The following ABCC9 variants were observed in gnomAD, a reference collection of about 807,000 sequenced individuals.
ABCC9 encodes ATP-binding cassette sub-family C member 9.
In ABCC9, 95 loss-of-function variants were observed where a neutral mutation model predicts 188.3. The observed-to-expected ratio is 0.50, with a 90% CI of 0.43 to 0.60. ABCC9 has a LOEUF of 0.60. ABCC9 is among the 20% of genes least tolerant of loss of function. The pLI, the probability that ABCC9 is intolerant of heterozygous loss-of-function variation, is 0.00. For synonymous variants in ABCC9, 659 were observed against 652.7 expected (o/e 1.01, Z -0.15); for missense variants, 1,102 against 1,876.3 (o/e 0.59, Z 7.62).
chr12:21,878,021 A>C (rs1474643361), intron 16 of ABCC9, among the ~76,000 whole-genome samples: 2 of 146,508 alleles, frequency 1.4e-5, no homozygotes, highest in East Asian at 4.0e-4. Flanking sequence ...TAAAAAAAAA[A>C]CAATGACCGT....
intron 15 of ABCC9, among the ~76,000 whole-genome samples, chr12:21,884,968 C>A (rs1487283681): frequency 6.6e-6 from 1 of 152,156 alleles, no homozygotes; most frequent in Non-Finnish European, 1.5e-5. Flanking sequence ...CTTCTAGAGT[C>A]TTTAATTCTG....
chr12:21,932,786 T>C (rs960890623), intron 4 of ABCC9, among the ~76,000 whole-genome samples: 3 of 152,030 alleles, frequency 2.0e-5, no homozygotes, highest in African/African-American at 7.2e-5. Flanking sequence ...CACCATTTGT[T>C]GGAGTGTAAA....
At chr12:21,852,653 G>A in intron 22 of ABCC9, 148 bp from the exon 23 acceptor site, 1 of 930,004 alleles carries the variant, frequency 1.1e-6, no homozygotes, top group South Asian at 1.6e-5. Flanking sequence ...AAAACTACCT[G>A]TCAGGTACCA....
chr12:21,870,296 G>A (rs1008512210), intron 18 of ABCC9, among the ~76,000 whole-genome samples: 4 of 151,114 alleles, frequency 2.6e-5, no homozygotes, highest in Admixed American at 6.6e-5. Context: ...TCACTCTGTC[G>A]CCCAGGCTGG....
At chr12:21,837,074 T>G (rs902653247) in intron 30 of ABCC9, among the ~76,000 whole-genome samples, 1 of 152,196 alleles carries the variant, frequency 6.6e-6, no homozygotes, top group African/African-American at 2.4e-5. Context: ...TGAAAGGACT[T>G]ATTTGGTGAA....
chr12:21,818,007 C>T, intron 32 of ABCC9, 143 bp downstream of exon 32: 2 of 591,946 alleles, frequency 3.4e-6, no homozygotes, highest in South Asian at 3.1e-5. Context: ...AGTTCCCTCC[C>T]CTCACCCCCA....
At chr12:21,876,942 C>G (rs1288367578) in intron 16 of ABCC9, among the ~76,000 whole-genome samples, 1 of 152,156 alleles carries the variant, frequency 6.6e-6, no homozygotes, top group Non-Finnish European at 1.5e-5. Context: ...TTTGTCCATG[C>G]AGGTTTTCTG....
At chr12:21,808,408 A>C (rs147977126) in intron 37 of ABCC9, among the ~76,000 whole-genome samples, 71 of 152,210 alleles carry the variant, frequency 4.7e-4, no homozygotes, top group Non-Finnish European at 9.0e-4. Flanking sequence ...CCTGTGCTGT[A>C]CCATAACCCC....
chr12:21,864,220 T>C (rs1490442818), intron 19 of ABCC9, among the ~76,000 whole-genome samples: 2 of 152,118 alleles, frequency 1.3e-5, no homozygotes, highest in African/African-American at 2.4e-5. Flanking sequence ...CACGTGTGAC[T>C]CAGTGAGAGG....
At chr12:21,822,802 A>C (rs999841883) in intron 31 of ABCC9, among the ~76,000 whole-genome samples, 6 of 151,988 alleles carry the variant, frequency 3.9e-5, no homozygotes, top group Admixed American at 6.6e-5. Flanking sequence ...AAAAAAAAAA[A>C]AAAAAAAGCT....
chr12:21,885,801 A>G (rs1447850325), intron 15 of ABCC9, among the ~76,000 whole-genome samples: 1 of 152,178 alleles, frequency 6.6e-6, no homozygotes, highest in Non-Finnish European at 1.5e-5. Flanking sequence ...AAACAAAAAC[A>G]AACACCTCCA....
chr12:21,848,236 G>A lies in ABCC9; in HGVS notation c.2780C>T (p.Ala927Val). 6.2e-7 allele frequency: 1 copy of A among 1,613,286 alleles called. No homozygotes were observed. The highest frequency in any genetic ancestry group is 2.2e-5 in the East Asian group (1 of 44,854). Residue 927 changes from alanine to valine, a missense_variant, in exon 25 of 40, where the codon GCT (alanine) becomes GTT (valine). Ala to Val is a moderately conservative substitution (Grantham distance 64). This residue lies in a region of ABCC9 where 131 missense variants were observed against 170.2 expected (regional missense o/e 0.77). Coordinates refer to ENST00000261200, the MANE Select transcript of ABCC9 (RefSeq NM_020297.4). ...QDQELEKDME[A>V]DQTTLERKTL... ...TTTCCTCTCTAAAGTAGTTTGGTCA[G>A]CTTCCATATCCTGCAGTAAACATTG...
At chr12:21,880,611 GA>G (rs1565441072) in intron 16 of ABCC9, among the ~76,000 whole-genome samples, 1 of 151,980 alleles carries the variant, frequency 6.6e-6, no homozygotes, top group Non-Finnish European at 1.5e-5. Flanking sequence ...ATCTTATATC[GA>G]AAGTTGCTTG....
Position 21,829,059 on chromosome 12 carries a change from G to A in ABCC9, c.3568C>T (p.His1190Tyr). ...ATACGTTGTTTAAATCTGGTTTCAT[G>A]CCTGCAGAAAACAAAAACACGATGT... ...EGLTTIRAFR[H>Y]ETRFKQRMLE... The change falls in exon 31 of 40, where the codon CAT becomes TAT. Residue 1190 changes from histidine to tyrosine, a missense_variant and splice_region_variant. His to Tyr is a moderately conservative substitution (Grantham distance 83). Transcript: ENST00000261200. 1 of 1,613,070 alleles carries A rather than the reference G, an allele frequency of 6.2e-7. No homozygotes were observed. Among genetic ancestry groups the A allele is most frequent in the East Asian group, 2.2e-5 (1 of 44,862 alleles).
At chr12:21,925,692 C>A (rs1445389366) in intron 5 of ABCC9, 2 of 624,270 alleles carry the variant, frequency 3.2e-6, no homozygotes, top group Admixed American at 5.2e-5. Context: ...CACCCCCCTA[C>A]ACCACAGAGA....
chr12:21,892,236 G>T (rs185358367), intron 14 of ABCC9, among the ~76,000 whole-genome samples: 1 of 152,060 alleles, frequency 6.6e-6, no homozygotes, highest in East Asian at 1.9e-4. Context: ...GTATACCATG[G>T]ATTGGAGGGA....
At chr12:21,925,881 C>T (rs1949024524) in intron 5 of ABCC9, 61 bp downstream of exon 5, 6 of 1,551,250 alleles carry the variant, frequency 3.9e-6, no homozygotes, top group African/African-American at 1.4e-5. Context: ...AGAAAAATAA[C>T]CCTTTGGGGG....
chr12:21,887,747 A>C (rs1289617435), intron 15 of ABCC9, 79 bp downstream of exon 15: 3 of 957,600 alleles, frequency 3.1e-6, no homozygotes, highest in Non-Finnish European at 5.1e-6. Flanking sequence ...AATCTCTTCT[A>C]ACTCAGTTGT....
chr12:21,867,980 T>C (rs1219096249), intron 18 of ABCC9, among the ~76,000 whole-genome samples: 1 of 152,188 alleles, frequency 6.6e-6, no homozygotes, highest in Non-Finnish European at 1.5e-5. Context: ...TTATTGTTTA[T>C]CATGACAACC....
Sources: allele counts gnomAD v4.1 joint callset (sites outside exome capture counted in the v4.1 genomes callset), GRCh38; gene constraint gnomAD v4.1.1; regional missense constraint gnomAD v4.1.1; transcripts MANE v1.5; gene names NCBI Gene and HGNC (gene_info 2026-07-23, HGNC 2026-07-21).